NFASC: variants seen among roughly 807,000 people sequenced by gnomAD.
NFASC encodes neurofascin, also known as neurofascin homolog.
Under a neutral mutation model 147.5 loss-of-function variants are expected in NFASC, and 43 were observed. The ratio of observed to expected loss-of-function variants is 0.29; its 90% CI spans 0.23 to 0.38. The LOEUF (loss-of-function observed/expected upper bound fraction) is 0.38, where lower values mean the gene tolerates loss of function less well. NFASC is among the 10% of genes least tolerant of loss of function. The probability of loss-of-function intolerance (pLI) is 1.00; values close to 1 mark genes in which losing one functional copy is unlikely to be tolerated. For missense variants in NFASC, 1,320 were observed against 1,689.0 expected, an observed-to-expected ratio of 0.78 and a Z score of 3.83; for synonymous variants, 622 against 665.5, an observed-to-expected ratio of 0.93 and a Z score of 1.01.
chr1:204,944,273 AC>A lies in NFASC; in HGVS notation c.-39del. On this transcript the variant is annotated 5_prime_UTR_variant, in exon 3 of 30. Transcript: ENST00000339876. The stretch of plus-strand genomic sequence containing the variant: ...AGTTAAAGCGGCTCGAGGTGACAAG[AC>A]CCCGAGTGCTGGGGAGCAGGGAGCA... 1 of 1,604,510 alleles carries A rather than the reference AC, an allele frequency of 6.2e-7. No homozygotes were observed. The highest frequency in any genetic ancestry group is 8.5e-7 in the Non-Finnish European group (1 of 1,176,124).
intron 2 of NFASC, among the ~76,000 whole-genome samples, chr1:204,941,844 A>AT (rs1258904310): frequency 4.6e-5 from 7 of 151,828 alleles, no homozygotes; most frequent in Admixed American, 2.6e-4. Flanking sequence ...GTAGGGGCGG[A>AT]TTTTTTTTGT....
intron 21 of NFASC, among the ~76,000 whole-genome samples, chr1:204,982,982 G>C (rs1227676699): frequency 1.3e-5 from 2 of 152,230 alleles, no homozygotes; most frequent in South Asian, 2.1e-4. Context: ...ACTCACAAGG[G>C]AGATGAGCAG....
chr1:204,944,472 G>GGGGGGGGGGGGA, intron 3 of NFASC, 66 bp downstream of exon 3: 1 of 402,580 alleles, frequency 2.5e-6, no homozygotes. Flanking sequence ...GGAGGGGAGG[G>GGGGGGGGGGGGA]AAGGTCAGAG....
At chr1:204,863,059 AGTAG>A (rs1429317764) in intron 1 of NFASC, among the ~76,000 whole-genome samples, 6 of 152,314 alleles carry the variant, frequency 3.9e-5, no homozygotes, top group African/African-American at 1.4e-4. Context: ...TCATCTGGAG[AGTAG>A]ACTGGAGGGA....
intron 1 of NFASC, among the ~76,000 whole-genome samples, chr1:204,904,472 G>A (rs1416315414): frequency 6.6e-6 from 1 of 152,146 alleles, no homozygotes; most frequent in African/African-American, 2.4e-5. Context: ...GGATTAAAAG[G>A]GATGGTTACT....
chr1:204,941,043 C>T (rs2093330162), intron 2 of NFASC, among the ~76,000 whole-genome samples: 1 of 152,130 alleles, frequency 6.6e-6, no homozygotes, highest in African/African-American at 2.4e-5. Flanking sequence ...TAAATAGCAA[C>T]CTTACTCTGG....
intron 1 of NFASC, among the ~76,000 whole-genome samples, chr1:204,859,095 A>C (rs553844990): frequency 6.6e-6 from 1 of 150,758 alleles, no homozygotes; most frequent in South Asian, 2.1e-4. Context: ...CTCCTACCTC[A>C]GTCTCTTGGG....
At chr1:205,001,357 C>G in intron 26 of NFASC, 71 bp downstream of exon 26, 1 of 912,426 alleles carries the variant, frequency 1.1e-6, no homozygotes. Flanking sequence ...TGGTAGATGC[C>G]ATTAAAGAGC....
chr1:204,839,791 C>T (rs1424369131), intron 1 of NFASC, among the ~76,000 whole-genome samples: 1 of 152,224 alleles, frequency 6.6e-6, no homozygotes, highest in Non-Finnish European at 1.5e-5. Flanking sequence ...TGCTCTTAGA[C>T]TTCCTTTTAG....
chr1:204,991,777 A>G (rs1474610642), intron 24 of NFASC, among the ~76,000 whole-genome samples: 1 of 152,222 alleles, frequency 6.6e-6, no homozygotes, highest in African/African-American at 2.4e-5. Flanking sequence ...TGTGCATGCC[A>G]GCTTCGCATG....
intron 1 of NFASC, among the ~76,000 whole-genome samples, chr1:204,897,405 A>T (rs1202120497): frequency 6.6e-6 from 1 of 152,108 alleles, no homozygotes; most frequent in East Asian, 1.9e-4. Flanking sequence ...ACCAGGCTAG[A>T]GTTTAAACCC....
intron 2 of NFASC, among the ~76,000 whole-genome samples, chr1:204,924,861 G>A (rs1030355743): frequency 1.3e-5 from 2 of 152,106 alleles, no homozygotes; most frequent in Admixed American, 6.6e-5. Flanking sequence ...AGGGCCAATC[G>A]TTTATTTTGT....
chr1:204,926,399 TA>T (rs2091543124), intron 2 of NFASC, among the ~76,000 whole-genome samples: 1 of 13,592 alleles, frequency 7.4e-5, no homozygotes, highest in Admixed American at 7.1e-4. Context: ...TATATATATA[TA>T]TATATATTTT....
At chr1:204,996,819 C>G (rs2095854216) in intron 24 of NFASC, among the ~76,000 whole-genome samples, 1 of 152,164 alleles carries the variant, frequency 6.6e-6, no homozygotes, top group Non-Finnish European at 1.5e-5. Flanking sequence ...TGGCATCTGG[C>G]CAGTGTTTGG....
chr1:205,001,241 CA>C lies in NFASC; in HGVS notation c.3092del (p.His1031ProfsTer34). The C allele has an allele frequency of 6.2e-7, 1 of 1,612,676 alleles. No individual in the cohort carries two copies. The highest frequency in any genetic ancestry group is 8.5e-7 in the Non-Finnish European group (1 of 1,179,348). On this transcript the variant is annotated frameshift_variant, in exon 26 of 30. Coordinates refer to ENST00000339876, the MANE Select transcript of NFASC (RefSeq NM_001005388.3). LOFTEE classifies it high-confidence loss of function. Reference protein sequence around the residue: ...NSKWANITWKHNFGPGTDFVV... With the variant: ...NSKWANITWKXNFGPGTDFVV... ...TAAATGGGCCAACATCACCTGGAAG[CA>C]CAATTTCGGGCCCGGAACTGACTTT... is the stretch of plus-strand genomic sequence containing the variant.
chr1:204,922,832 A>G (rs2090762484), intron 2 of NFASC, among the ~76,000 whole-genome samples: 1 of 152,208 alleles, frequency 6.6e-6, no homozygotes, highest in African/African-American at 2.4e-5. Context: ...AGCGTACAGT[A>G]AGTTCTGAGA....
chr1:204,945,401 A>G (rs1391380267), intron 3 of NFASC, among the ~76,000 whole-genome samples: 3 of 152,212 alleles, frequency 2.0e-5, no homozygotes, highest in East Asian at 3.9e-4. Flanking sequence ...TACAAACTCT[A>G]AAAAGTCGTC....
intron 28 of NFASC, 86 bp from the exon 29 acceptor site, chr1:205,012,711 C>T (rs1362107784): frequency 1.0e-6 from 1 of 1,002,044 alleles, no homozygotes; most frequent in Non-Finnish European, 1.6e-6. Context: ...GCGGTGCCTT[C>T]TGGCCCTGCA....
At chr1:204,952,875 G>C (rs2094207690) in intron 5 of NFASC, among the ~76,000 whole-genome samples, 1 of 152,184 alleles carries the variant, frequency 6.6e-6, no homozygotes, top group Non-Finnish European at 1.5e-5. Flanking sequence ...GGAGAAATGA[G>C]GCCAAGCAGA....
Sources: allele counts gnomAD v4.1 joint callset (sites outside exome capture counted in the v4.1 genomes callset), GRCh38; gene constraint gnomAD v4.1.1; transcripts MANE v1.5; gene names NCBI Gene and HGNC (gene_info 2026-07-23, HGNC 2026-07-21).